AIG1: variants seen among roughly 807,000 people sequenced by gnomAD.
The protein encoded by AIG1 is androgen-induced gene 1 protein.
AIG1 carries 23 observed loss-of-function variants against 31.4 expected under a neutral mutation model. The observed-to-expected ratio is 0.73, with a 90% CI of 0.53 to 1.04. The LOEUF (loss-of-function observed/expected upper bound fraction) is 1.04. Among genes scored for constraint, AIG1 ranks in the 50% least tolerant of loss-of-function variants. The pLI is 0.00. For synonymous variants in AIG1, 100 were observed against 110.5 expected (o/e 0.90, Z 0.60); for missense variants, 274 against 295.0 (o/e 0.93, Z 0.52).
intron 1 of AIG1, among the ~76,000 whole-genome samples, chr6:143,136,007 C>T (rs1374385594): frequency 1.3e-5 from 2 of 152,122 alleles, no homozygotes; most frequent in Non-Finnish European, 2.9e-5. Flanking sequence ...TTACAGTATG[C>T]TGCCTGCAGT....
intron 4 of AIG1, among the ~76,000 whole-genome samples, chr6:143,301,829 C>T (rs1334462533): frequency 6.6e-6 from 1 of 152,160 alleles, no homozygotes; most frequent in Non-Finnish European, 1.5e-5. Context: ...AAATACTCAC[C>T]ATGTCACTGC....
chr6:143,069,076 G>A (rs993657402), intron 1 of AIG1, among the ~76,000 whole-genome samples: 7 of 150,494 alleles, frequency 4.7e-5, no homozygotes, highest in South Asian at 2.1e-4. Flanking sequence ...GTGCACTGGC[G>A]TGATCTCGGC....
intron 4 of AIG1, among the ~76,000 whole-genome samples, chr6:143,321,606 G>T (rs965858002): frequency 1.3e-5 from 2 of 151,990 alleles, no homozygotes; most frequent in African/African-American, 2.4e-5. Flanking sequence ...AAATTAAAAT[G>T]AAATGAAATG....
chr6:143,198,363 G>T (rs1253885621), intron 3 of AIG1, among the ~76,000 whole-genome samples: 1 of 152,206 alleles, frequency 6.6e-6, no homozygotes, highest in Non-Finnish European at 1.5e-5. Context: ...AATGTCTGCT[G>T]ATCACCATCT....
chr6:143,192,145 G>T (rs920938682), intron 3 of AIG1, among the ~76,000 whole-genome samples: 2 of 152,202 alleles, frequency 1.3e-5, no homozygotes, highest in African/African-American at 4.8e-5. Flanking sequence ...AATTTGAGGA[G>T]TCTGAGGATG....
At chr6:143,252,389 G>A (rs1186129022) in intron 3 of AIG1, among the ~76,000 whole-genome samples, 1 of 152,146 alleles carries the variant, frequency 6.6e-6, no homozygotes, top group South Asian at 2.1e-4. Context: ...CCAAAGTGCT[G>A]GGATTACAGA....
At chr6:143,217,549 C>T (rs750113202) in intron 3 of AIG1, among the ~76,000 whole-genome samples, 2 of 152,124 alleles carry the variant, frequency 1.3e-5, no homozygotes, top group Non-Finnish European at 2.9e-5. Context: ...CGCTCTGTCG[C>T]CCAGGCTGGA....
At chr6:143,254,354 G>A (rs940878675) in intron 3 of AIG1, among the ~76,000 whole-genome samples, 3 of 152,044 alleles carry the variant, frequency 2.0e-5, no homozygotes, top group African/African-American at 7.3e-5. Context: ...GGCCCAGGTG[G>A]GCATCCTGGA....
rs1195708841 is a variant in AIG1, at chr6:143,279,951, G to A, written c.400-4159G>A. Among the ~76,000 whole-genome samples the A allele has an allele frequency of 6.6e-6, 1 of 152,154 alleles. No homozygotes were observed. The highest frequency in any genetic ancestry group is 1.5e-5 in the Non-Finnish European group (1 of 68,026). On this transcript the variant is annotated intron_variant, in intron 3 of 5. Coordinates refer to ENST00000357847, the MANE Select transcript of AIG1 (RefSeq NM_016108.4). This position sits in a 1 kb window ranked among gnomAD's most constrained non-coding sequence, Gnocchi z 5.4. ...TTACTTAGCTCTTCAAACAAGTCAA[G>A]CCTTGTTTTTAGCTCAGCTCCTGGG...
At chr6:143,147,120 A>G (rs2128539953) in intron 2 of AIG1, among the ~76,000 whole-genome samples, 1 of 152,312 alleles carries the variant, frequency 6.6e-6, no homozygotes, top group South Asian at 2.1e-4. Flanking sequence ...TAGGTAGGCT[A>G]CGTTGGTACT....
At chr6:143,101,539 T>G (rs1467192145) in intron 1 of AIG1, among the ~76,000 whole-genome samples, 1 of 152,090 alleles carries the variant, frequency 6.6e-6, no homozygotes, top group African/African-American at 2.4e-5. Flanking sequence ...CTGGAGACTC[T>G]TAGAGGACTG....
intron 4 of AIG1, among the ~76,000 whole-genome samples, chr6:143,303,957 G>T (rs1799042522): frequency 6.8e-6 from 1 of 146,866 alleles, no homozygotes; most frequent in Non-Finnish European, 1.5e-5. Flanking sequence ...TTGTAAATTG[G>T]ATTCCTAGGT....
chr6:143,197,177 C>CT (rs76014278), intron 3 of AIG1, among the ~76,000 whole-genome samples: 1,883 of 141,974 alleles, frequency 0.013, 29 homozygotes, highest in African/African-American at 0.036. Flanking sequence ...CACAAAAGTG[C>CT]TTTTTTTTTT....
chr6:143,169,240 T>G (rs1787264423), intron 3 of AIG1, among the ~76,000 whole-genome samples: 1 of 152,106 alleles, frequency 6.6e-6, no homozygotes, highest in African/African-American at 2.4e-5. Context: ...GCATGAAATT[T>G]AAATGTTTCC....
chr6:143,275,187 G>A (rs1796810544), intron 3 of AIG1, among the ~76,000 whole-genome samples: 1 of 152,152 alleles, frequency 6.6e-6, no homozygotes, highest in African/African-American at 2.4e-5. Context: ...TGACAAGGCT[G>A]CAGAGAGGTG....
At chr6:143,152,783 A>G (rs1165891209) in intron 2 of AIG1, among the ~76,000 whole-genome samples, 2 of 152,156 alleles carry the variant, frequency 1.3e-5, no homozygotes, top group South Asian at 2.1e-4. Flanking sequence ...CCCTCTCACA[A>G]TGCACACCAC....
At chr6:143,150,242 C>T (rs886512202) in intron 2 of AIG1, among the ~76,000 whole-genome samples, 1 of 152,214 alleles carries the variant, frequency 6.6e-6, no homozygotes, top group Non-Finnish European at 1.5e-5. Flanking sequence ...CAAAGTCCTT[C>T]TGTAATTAAT....
chr6:143,205,758 G>A (rs1263417834), intron 3 of AIG1, among the ~76,000 whole-genome samples: 1 of 152,182 alleles, frequency 6.6e-6, no homozygotes. Flanking sequence ...GCATTAATGT[G>A]CTATTACAAC....
chr6:143,319,876 G>T (rs185392134), intron 4 of AIG1, among the ~76,000 whole-genome samples: 1 of 151,564 alleles, frequency 6.6e-6, no homozygotes, highest in African/African-American at 2.4e-5. Flanking sequence ...GAAATGAGAC[G>T]GCATCATATT....
Sources: gnomAD v4.1 joint callset for allele counts (sites outside exome capture counted in the v4.1 genomes callset) on GRCh38, gnomAD v4.1.1 for gene constraint, Gnocchi (gnomAD v3.1) non-coding constraint, MANE v1.5 for transcripts, NCBI Gene and HGNC (gene_info 2026-07-23, HGNC 2026-07-21) for gene names.